AEN: variants seen among roughly 807,000 people sequenced by gnomAD.
The protein encoded by AEN is apoptosis enhancing nuclease, also known as apoptosis-enhancing nuclease.
Under a neutral mutation model 17.7 loss-of-function variants are expected in AEN, and 21 were observed. The ratio of observed to expected loss-of-function variants is 1.19; its 90% CI spans 0.84 to 1.71. The LOEUF is 1.71. Ranked by LOEUF, AEN falls within the 40% of genes most tolerant of loss-of-function variation. AEN has a pLI of 0.00. For missense variants in AEN, 462 were observed against 435.9 expected (o/e 1.06, Z -0.53); for synonymous variants, 190 against 173.0 (o/e 1.10, Z -0.77).
At chr15:88,618,382 T>TA (rs2057755996), upstream of AEN, among the ~76,000 whole-genome samples, 1 of 152,250 alleles carries the variant, frequency 6.6e-6, no homozygotes, top group Non-Finnish European at 1.5e-5. Context: ...TTGTTAACTC[T>TA]AAAAAATTTT....
chr15:88,629,294 G>A lies in AEN; in HGVS notation c.609G>A (p.Lys203=), dbSNP rs529539629. The change falls in exon 3 of 4, where the codon AAG becomes AAA. Residue 203 remains lysine, a synonymous_variant. Transcript: ENST00000332810. The part of the protein sequence containing the change: ...HALHNDFQAL[K]YVHPRSQTRD... ...TGCACAACGACTTCCAGGCGCTCAAGTATGTCCACCCTCGGAGCCAGACCC... is the reference window on the plus strand; with the variant it reads ...TGCACAACGACTTCCAGGCGCTCAAATATGTCCACCCTCGGAGCCAGACCC... 1.9e-6 allele frequency: 3 copies of A among 1,614,160 alleles called. No homozygotes were observed. Among genetic ancestry groups the A allele is most frequent in the Admixed American group, 3.3e-5 (2 of 60,018 alleles).
chr15:88,618,942 G>A (rs1308435711), upstream of AEN, among the ~76,000 whole-genome samples: 1 of 152,246 alleles, frequency 6.6e-6, no homozygotes, highest in East Asian at 1.9e-4. Flanking sequence ...CAGTAGTTGG[G>A]ACTGTAGGCA....
chr15:88,608,408 C>T, the AEN span, among the ~76,000 whole-genome samples: 2 of 152,214 alleles, frequency 1.3e-5, no homozygotes, highest in African/African-American at 4.8e-5. Context: ...TTTCCCCCTT[C>T]ATTTTAGGAG....
upstream of AEN, among the ~76,000 whole-genome samples, chr15:88,619,774 T>C (rs547797256): frequency 8.5e-5 from 13 of 152,166 alleles, no homozygotes; most frequent in African/African-American, 2.9e-4. Flanking sequence ...CGCTGTCCTA[T>C]AACCCCTTCC....
At chr15:88,615,973 C>T in the AEN span, among the ~76,000 whole-genome samples, 28 of 152,158 alleles carry the variant, frequency 1.8e-4, no homozygotes, top group African/African-American at 6.5e-4. Flanking sequence ...ATTGAAAATG[C>T]GGAGGGGGAA....
At chr15:88,611,433 T>TA in the AEN span, among the ~76,000 whole-genome samples, 4,019 of 93,948 alleles carry the variant, frequency 0.043, 202 homozygotes, top group African/African-American at 0.13. Flanking sequence ...TTGTCTTTAC[T>TA]AAAAAAAAAA....
chr15:88,630,366 C>A lies in AEN; in HGVS notation c.*72C>A. 2 of 1,426,708 alleles carry A rather than the reference C, an allele frequency of 1.4e-6. No homozygotes were observed. The highest frequency in any genetic ancestry group is 1.9e-6 in the Non-Finnish European group (2 of 1,041,798). 88.4% of individuals were successfully genotyped at this position (1,426,708 alleles called of 1,614,324 possible). ...AAGTGGGGGCCAGGAGAGCAGCGGGCACTCCTTCCTGGGCAGGGTGGGGCA... is the reference window on the plus strand; with the variant it reads ...AAGTGGGGGCCAGGAGAGCAGCGGGAACTCCTTCCTGGGCAGGGTGGGGCA... On this transcript the variant is annotated 3_prime_UTR_variant, in exon 4 of 4. Coordinates refer to ENST00000332810, the MANE Select transcript of AEN (RefSeq NM_022767.4). The surrounding 1 kb of genome is among the most constrained non-coding windows in gnomAD (Gnocchi z 5.1).
intron 2 of AEN, chr15:88,628,220 G>C (rs2057879407): frequency 6.6e-6 from 1 of 152,298 alleles, no homozygotes; most frequent in Admixed American, 6.5e-5. Context: ...TGGCTGACTT[G>C]GGGGGAGGGG....
upstream of AEN, among the ~76,000 whole-genome samples, chr15:88,617,955 G>A (rs959942865): frequency 2.0e-5 from 3 of 152,120 alleles, no homozygotes; most frequent in Non-Finnish European, 4.4e-5. Context: ...CAGCCCCCTT[G>A]AGAACAGGCT....
In AEN at chr15:88,626,421, C is replaced by T. The variant is rs542988075; in HGVS notation, c.212C>T (p.Ala71Val). 9.7e-5 allele frequency: 157 copies of T among 1,612,678 alleles called. No individual in the cohort carries two copies. The highest frequency in any genetic ancestry group is 1.1e-4 in the Non-Finnish European group (133 of 1,179,608). The part of the protein sequence containing the change: ...SSPLPTPFGA[A>V]TATEAASSGK... ...CCACTGCCCACCCCTTTCGGGGCAG[C>T]GACAGCAACTGAAGCTGCCAGCAGT... The change falls in exon 2 of 4, where the codon GCG (alanine) becomes GTG (valine). Residue 71 changes from alanine (A) to valine (V), a missense_variant. Coordinates refer to ENST00000332810, the MANE Select transcript of AEN (RefSeq NM_022767.4).
the AEN span, among the ~76,000 whole-genome samples, chr15:88,610,622 ACTC>A: frequency 6.7e-6 from 1 of 149,618 alleles, no homozygotes; most frequent in South Asian, 2.1e-4. Flanking sequence ...GACTCCCCCC[ACTC>A]CTCCTGCTCC....
At chr15:88,613,007 C>T in the AEN span, among the ~76,000 whole-genome samples, 1 of 152,180 alleles carries the variant, frequency 6.6e-6, no homozygotes, top group Non-Finnish European at 1.5e-5. Context: ...TTTCAAGCAA[C>T]AAATCCAAAT....
the AEN span, among the ~76,000 whole-genome samples, chr15:88,610,720 G>T: frequency 6.6e-6 from 1 of 152,174 alleles, no homozygotes; most frequent in African/African-American, 2.4e-5. Context: ...GGCTAAAGAG[G>T]AAGTGCTCAC....
Position 88,631,767 on chromosome 15 carries a change from G to A in AEN, c.*1473G>A, listed in dbSNP as rs777169791. 3.3e-5 allele frequency: 5 copies of A among 152,368 alleles called. No homozygotes were observed. Among genetic ancestry groups the A allele is most frequent in the African/African-American group, 9.7e-5 (4 of 41,428 alleles). The allele number at this position is 152,368 out of a possible 1,614,324, so 9.4% of individuals were successfully genotyped here. A position where few individuals can be genotyped will look rare whatever the true frequency, so the allele number is the denominator to read the frequency against. On this transcript the variant is annotated 3_prime_UTR_variant, in exon 4 of 4. Transcript: ENST00000332810. ...GCTGTGGCCCAGACAGAACTGCTCC[G>A]GCTTGGCTGTTCCAGCAGGTGGGGC...
intron 2 of AEN, chr15:88,628,411 T>G (rs1259775888): frequency 6.6e-6 from 1 of 151,696 alleles, no homozygotes; most frequent in Admixed American, 6.5e-5. Flanking sequence ...TAGAGGGGGT[T>G]GCTGGCCCAT....
At position 88,631,281 on chromosome 15, in the gene AEN, A is replaced by G. The variant is rs1202709991; in HGVS notation, c.*987A>G. 4.9e-6 allele frequency: 2 copies of G among 408,804 alleles called. No individual in the cohort carries two copies. Among genetic ancestry groups the G allele is most frequent in the East Asian group, 7.3e-5 (1 of 13,660 alleles). The allele number at this position is 408,804 out of a possible 1,614,324, so 25.3% of individuals were successfully genotyped here. A position where few individuals can be genotyped will look rare whatever the true frequency, so the allele number is the denominator to read the frequency against. ...TGGGGCAGGGCATTGGCAGTTACGC[A>G]GTGGCCCTGAACCTGGTCTGGTGCC... On this transcript the variant is annotated 3_prime_UTR_variant, in exon 4 of 4. Coordinates refer to ENST00000332810, the MANE Select transcript of AEN (RefSeq NM_022767.4).
chr15:88,611,166 A>T, the AEN span, among the ~76,000 whole-genome samples: 11 of 152,324 alleles, frequency 7.2e-5, no homozygotes, highest in South Asian at 1.0e-3. Context: ...GGGAGGCACC[A>T]GTAGAGAGGG....
At chr15:88,616,687 A>C (rs2057741196), upstream of AEN, among the ~76,000 whole-genome samples, 1 of 152,200 alleles carries the variant, frequency 6.6e-6, no homozygotes, top group Admixed American at 6.5e-5. Flanking sequence ...TCAATTTAAC[A>C]TTTTTCAACT....
chr15:88,631,427 A>G lies in AEN; in HGVS notation c.*1133A>G, dbSNP rs1045832817. ...GACAGTTTTGAAGTATTGGATAACC[A>G]AGAGCTCAGGTCACACAGACCTTGG... is the stretch of plus-strand genomic sequence containing the variant. On this transcript the variant is annotated 3_prime_UTR_variant, in exon 4 of 4. Transcript: ENST00000332810. The G allele has an allele frequency of 1.6e-5, 4 of 245,834 alleles. No homozygotes were observed. The highest frequency in any genetic ancestry group is 8.9e-5 in the African/African-American group (4 of 45,150). 15.2% of individuals were successfully genotyped at this position (245,834 alleles called of 1,614,324 possible).
Sources: allele counts gnomAD v4.1 joint callset (sites outside exome capture counted in the v4.1 genomes callset), GRCh38; gene constraint gnomAD v4.1.1; non-coding constraint Gnocchi (gnomAD v3.1); transcripts MANE v1.5; gene names NCBI Gene and HGNC (gene_info 2026-07-23, HGNC 2026-07-21).